GPR141: variants seen among roughly 807,000 people sequenced by gnomAD.
The protein encoded by GPR141 is G protein-coupled receptor 141.
A neutral mutation model predicts 6.8 loss-of-function variants in GPR141; 6 were observed. The observed-to-expected ratio is 0.88, with a 90% CI of 0.48 to 1.74. The LOEUF (loss-of-function observed/expected upper bound fraction) is 1.74. Among genes scored for constraint, GPR141 ranks in the 40% most tolerant of loss-of-function variants. The pLI, the probability that GPR141 is intolerant of heterozygous loss-of-function variation, is 0.01. For synonymous variants in GPR141, 140 were observed against 142.3 expected (o/e 0.98, Z 0.11); for missense variants, 372 against 372.9 (o/e 1.00, Z 0.02).
chr7:37,706,767 C>T (rs1810542090), intron 2 of GPR141, among the ~76,000 whole-genome samples: 1 of 152,146 alleles, frequency 6.6e-6, no homozygotes, highest in African/African-American at 2.4e-5. Context: ...CATATCATTG[C>T]CTCTCTATAT....
intron 2 of GPR141, among the ~76,000 whole-genome samples, chr7:37,712,002 T>A (rs1810820768): frequency 6.6e-6 from 1 of 152,222 alleles, no homozygotes; most frequent in Non-Finnish European, 1.5e-5. Flanking sequence ...TTCATAACAA[T>A]TCAGGAATCT....
intron 2 of GPR141, among the ~76,000 whole-genome samples, chr7:37,729,219 C>T (rs1261088812): frequency 6.6e-6 from 1 of 152,084 alleles, no homozygotes; most frequent in Non-Finnish European, 1.5e-5. Context: ...GGATTTTAAG[C>T]AGAGACATGA....
At chr7:37,707,943 A>G (rs1246554357) in intron 2 of GPR141, among the ~76,000 whole-genome samples, 11 of 152,216 alleles carry the variant, frequency 7.2e-5, no homozygotes, top group Admixed American at 7.2e-4. Context: ...CTTTCCAGCA[A>G]CTATTTTTAA....
chr7:37,729,270 T>C (rs1170765200), intron 2 of GPR141, among the ~76,000 whole-genome samples: 3 of 152,200 alleles, frequency 2.0e-5, no homozygotes, highest in Non-Finnish European at 4.4e-5. Context: ...CCAGGCTTCA[T>C]GATGACCTTC....
intron 2 of GPR141, among the ~76,000 whole-genome samples, chr7:37,715,838 T>C (rs1280794387): frequency 1.3e-5 from 2 of 152,216 alleles, no homozygotes; most frequent in Non-Finnish European, 2.9e-5. Flanking sequence ...AGGCCGCCAA[T>C]GCACACATTC....
chr7:37,699,623 G>A (rs1810190637), intron 2 of GPR141, among the ~76,000 whole-genome samples: 3 of 152,186 alleles, frequency 2.0e-5, no homozygotes, highest in Admixed American at 2.0e-4. Flanking sequence ...TATAAAATCA[G>A]GTGGCAGGTG....
In GPR141 at chr7:37,722,363, G is replaced by A. The variant is rs144694945; in HGVS notation, c.-14-18017G>A. Among the ~76,000 whole-genome samples, 60 of 152,004 alleles carry A rather than the reference G, an allele frequency of 3.9e-4. 2 individuals are homozygous for A. In the East Asian group the frequency reaches 9.7e-3, roughly 25 times the overall value. ...CCCAGCTACTTGGGAGGTTGAGGCA[G>A]GAGGATGACTTGAGGCCAGGAGCTT... On this transcript the variant is annotated intron_variant, in intron 2 of 2. Transcript: ENST00000334425.
chr7:37,732,029 T>TTA (rs1414384646), intron 2 of GPR141, among the ~76,000 whole-genome samples: 99 of 85,312 alleles, frequency 1.2e-3, no homozygotes, highest in African/African-American at 4.3e-3. Flanking sequence ...TTTGTTTGTT[T>TTA]TTTTTATTTT....
At position 37,741,045 on chromosome 7, in the gene GPR141, C is replaced by A; in HGVS notation, c.652C>A (p.His218Asn). Residue 218 changes from histidine to asparagine, a missense_variant, in exon 3 of 3, where the codon CAC (histidine) becomes AAC (asparagine). Coordinates refer to ENST00000334425, the MANE Select transcript of GPR141 (RefSeq NM_001381946.1). ...VQKLRHSLLS[H>N]QEFWAQLKNL... ...GAAGCTACGCCACTCTTTACTATCC[C>A]ACCAGGAGTTCTGGGCTCAGCTGAA... 1 of 1,614,122 alleles carries A rather than the reference C, an allele frequency of 6.2e-7. No individual in the cohort carries two copies. Among genetic ancestry groups the A allele is most frequent in the Non-Finnish European group, 8.5e-7 (1 of 1,179,970 alleles).
intron 2 of GPR141, among the ~76,000 whole-genome samples, chr7:37,700,813 T>A (rs1408010688): frequency 1.3e-5 from 2 of 152,206 alleles, no homozygotes; most frequent in African/African-American, 4.8e-5. Context: ...ATATTATATA[T>A]GTAAGATGAA....
At chr7:37,740,008 T>C (rs1812449269) in intron 2 of GPR141, among the ~76,000 whole-genome samples, 1 of 152,174 alleles carries the variant, frequency 6.6e-6, no homozygotes, top group South Asian at 2.1e-4. Context: ...CATGAATCCA[T>C]CGATCTTTCT....
At position 37,687,144 on chromosome 7, in the gene GPR141, T is replaced by C. The variant is rs550618594; in HGVS notation, c.-15+1561T>C. ...CAATTGATGATGTCAGTCGGAGCAC[T>C]GTTTCCTGGGAATTTCCCACAGCTA... On this transcript the variant is annotated intron_variant, in intron 2 of 2. Coordinates refer to ENST00000334425, the MANE Select transcript of GPR141 (RefSeq NM_001381946.1). Among the ~76,000 whole-genome samples, 4 of 152,258 alleles carry C rather than the reference T, an allele frequency of 2.6e-5. No individual in the cohort carries two copies. In the East Asian group the frequency reaches 5.8e-4, roughly 22 times the overall value.
intron 2 of GPR141, among the ~76,000 whole-genome samples, chr7:37,714,863 T>C (rs1483904581): frequency 2.0e-5 from 3 of 152,254 alleles, no homozygotes; most frequent in Admixed American, 2.0e-4. Context: ...CATTCATCTG[T>C]GTCTCAAGCA....
chr7:37,687,091 A>C (rs1809544731), intron 2 of GPR141, among the ~76,000 whole-genome samples: 1 of 152,092 alleles, frequency 6.6e-6, no homozygotes, highest in Non-Finnish European at 1.5e-5. Flanking sequence ...CCTGATAAAG[A>C]AGTTCAGACT....
At chr7:37,725,674 G>A (rs1472068678) in intron 2 of GPR141, among the ~76,000 whole-genome samples, 1 of 152,150 alleles carries the variant, frequency 6.6e-6, no homozygotes, top group Non-Finnish European at 1.5e-5. Flanking sequence ...CAACTTTATG[G>A]TTGGTGAACC....
rs184267244 is a variant in GPR141 at position 37,712,581 on chromosome 7, G to A, written c.-15+26998G>A. Among the ~76,000 whole-genome samples, 292 of 152,262 alleles carry A rather than the reference G, an allele frequency of 1.9e-3. 1 individual carries two copies. Among genetic ancestry groups the A allele is most frequent in the African/African-American group, 6.8e-3 (281 of 41,554 alleles). On this transcript the variant is annotated intron_variant, in intron 2 of 2. Transcript: ENST00000334425. ...AAGAACACCAGGTCATGAATCAAAG[G>A]CCTTTTGTTTTTAAGCACACCTGAT...
At chr7:37,691,553 T>C (rs1180414465) in intron 2 of GPR141, among the ~76,000 whole-genome samples, 1 of 152,164 alleles carries the variant, frequency 6.6e-6, no homozygotes, top group Non-Finnish European at 1.5e-5. Flanking sequence ...TATTGTGGTT[T>C]GATGATTTTC....
chr7:37,705,485 G>A (rs1008667255), intron 2 of GPR141, among the ~76,000 whole-genome samples: 6 of 152,124 alleles, frequency 3.9e-5, no homozygotes, highest in African/African-American at 1.4e-4. Context: ...TATGCTAATT[G>A]TCTGAAGGAA....
At chr7:37,725,490 A>G (rs757812704) in intron 2 of GPR141, among the ~76,000 whole-genome samples, 1 of 152,196 alleles carries the variant, frequency 6.6e-6, no homozygotes, top group Non-Finnish European at 1.5e-5. Context: ...TCTGCCCTTG[A>G]TATGAATGAA....
Sources: allele counts gnomAD v4.1 joint callset (sites outside exome capture counted in the v4.1 genomes callset), GRCh38; gene constraint gnomAD v4.1.1; transcripts MANE v1.5; gene names NCBI Gene and HGNC (gene_info 2026-07-23, HGNC 2026-07-21).